RGS6: variants seen among roughly 807,000 people sequenced by gnomAD.
The protein encoded by RGS6 is regulator of G protein signaling 6.
A neutral mutation model predicts 78.5 loss-of-function variants in RGS6; 30 were observed. The ratio of observed to expected loss-of-function variants is 0.38; its 90% CI spans 0.29 to 0.52. The LOEUF (loss-of-function observed/expected upper bound fraction) is 0.52. Ranked by LOEUF, RGS6 falls within the 20% of genes least tolerant of loss-of-function variation. The pLI, the probability that RGS6 is intolerant of heterozygous loss-of-function variation, is 0.85. For synonymous variants in RGS6, 206 were observed against 206.0 expected, an observed-to-expected ratio of 1.00 and a Z score of 0.00; for missense variants, 495 against 609.7, an observed-to-expected ratio of 0.81 and a Z score of 1.98.
the RGS6 span, among the ~76,000 whole-genome samples, chr14:72,625,877 G>A: frequency 1.3e-5 from 2 of 151,994 alleles, no homozygotes; most frequent in Non-Finnish European, 2.9e-5. Flanking sequence ...ACTCTCATTA[G>A]TCACAATACA....
intron 3 of RGS6, among the ~76,000 whole-genome samples, chr14:72,446,028 G>A (rs2095354972): frequency 6.6e-6 from 1 of 152,156 alleles, no homozygotes; most frequent in Admixed American, 6.5e-5. Flanking sequence ...GGAGGCCAAG[G>A]CAGGAGGATC....
At chr14:72,462,406 T>G (rs1475746905) in intron 6 of RGS6, among the ~76,000 whole-genome samples, 2 of 152,156 alleles carry the variant, frequency 1.3e-5, no homozygotes, top group South Asian at 2.1e-4. Context: ...TCCCCAACAA[T>G]GAACACACTT....
intron 3 of RGS6, among the ~76,000 whole-genome samples, chr14:72,390,200 C>T (rs1054196145): frequency 1.3e-5 from 2 of 150,138 alleles, no homozygotes; most frequent in African/African-American, 2.5e-5. Context: ...CGGGTTGAAG[C>T]GATTTTCCTG....
chr14:72,377,825 A>C (rs114925934), intron 3 of RGS6, among the ~76,000 whole-genome samples: 137 of 152,206 alleles, frequency 9.0e-4, no homozygotes, highest in African/African-American at 3.3e-3. Flanking sequence ...AAAAGATTAA[A>C]AAATTAACCA....
In RGS6 at chr14:72,536,235, G is replaced by A. The variant is rs1208071075; in HGVS notation, c.1328G>A (p.Arg443Gln). 14 of 1,613,768 alleles carry A rather than the reference G, an allele frequency of 8.7e-6. No homozygotes were observed. The highest frequency in any genetic ancestry group is 3.3e-5 in the South Asian group (3 of 91,062). Residue 443 changes from arginine to glutamine, a missense_variant, in exon 16 of 18, where the codon CGG becomes CAG. Coordinates refer to ENST00000553525, the MANE Select transcript of RGS6 (RefSeq NM_001204424.2). ...MKSDSYARFL[R>Q]SNAYQDLLLA... ...AGTGACAGCTATGCCCGCTTCCTCC[G>A]GTCAAATGCTTACCAGGATTTGCTG... is the stretch of plus-strand genomic sequence containing the variant.
At chr14:72,611,670 C>T in the RGS6 span, among the ~76,000 whole-genome samples, 1 of 152,204 alleles carries the variant, frequency 6.6e-6, no homozygotes, top group African/African-American at 2.4e-5. Flanking sequence ...CAACACACTC[C>T]AGGCCAGGTG....
intron 2 of RGS6, among the ~76,000 whole-genome samples, chr14:71,985,721 G>T (rs2094682018): frequency 6.6e-6 from 1 of 152,124 alleles, no homozygotes; most frequent in African/African-American, 2.4e-5. Context: ...CCCCATCCTA[G>T]TGTCTGCTTG....
intron 2 of RGS6, among the ~76,000 whole-genome samples, chr14:72,209,144 G>T (rs1349929540): frequency 6.6e-6 from 1 of 152,264 alleles, no homozygotes; most frequent in East Asian, 1.9e-4. Context: ...GGGAGGCTGA[G>T]GTGGGAGGAT....
intron 3 of RGS6, among the ~76,000 whole-genome samples, chr14:72,362,750 G>A (rs770550390): frequency 1.3e-5 from 2 of 152,310 alleles, no homozygotes; most frequent in African/African-American, 2.4e-5. Context: ...AAATTACAAG[G>A]CAAAGTCTGG....
At chr14:72,186,490 A>G (rs1461038686) in intron 2 of RGS6, among the ~76,000 whole-genome samples, 2 of 152,010 alleles carry the variant, frequency 1.3e-5, no homozygotes, top group South Asian at 2.1e-4. Context: ...CTAAGCATCT[A>G]CTTCCTTTAT....
intron 2 of RGS6, among the ~76,000 whole-genome samples, chr14:72,121,688 T>A (rs2096056718): frequency 6.6e-6 from 1 of 152,154 alleles, no homozygotes; most frequent in Non-Finnish European, 1.5e-5. Flanking sequence ...ATCTTGCTCA[T>A]TTAACCTCTT....
At chr14:72,496,089 A>C (rs2096641067) in intron 13 of RGS6, among the ~76,000 whole-genome samples, 1 of 152,216 alleles carries the variant, frequency 6.6e-6, no homozygotes, top group African/African-American at 2.4e-5. Context: ...AAAATCTTAT[A>C]AAAATAATAA....
At chr14:72,097,035 G>A (rs2095423115) in intron 2 of RGS6, among the ~76,000 whole-genome samples, 1 of 152,208 alleles carries the variant, frequency 6.6e-6, no homozygotes, top group South Asian at 2.1e-4. Context: ...TGCCATTCTA[G>A]TACCCTCGAG....
intron 2 of RGS6, among the ~76,000 whole-genome samples, chr14:72,083,735 T>C (rs1300573224): frequency 6.6e-6 from 1 of 152,244 alleles, no homozygotes; most frequent in Non-Finnish European, 1.5e-5. Context: ...CTGCTAAAGA[T>C]AATTCTAATG....
chr14:72,186,054 T>C (rs2097240695), intron 2 of RGS6, among the ~76,000 whole-genome samples: 3 of 152,252 alleles, frequency 2.0e-5, no homozygotes. Flanking sequence ...GAACTGAGTA[T>C]CTAATAGGTG....
the RGS6 span, among the ~76,000 whole-genome samples, chr14:72,574,773 C>G: frequency 6.6e-6 from 1 of 152,180 alleles, no homozygotes; most frequent in African/African-American, 2.4e-5. Context: ...AAGCCCCCAC[C>G]TGCTGAGGGT....
intron 15 of RGS6, among the ~76,000 whole-genome samples, chr14:72,519,291 A>G (rs559606399): frequency 1.9e-3 from 294 of 152,294 alleles, no homozygotes; most frequent in African/African-American, 6.7e-3. Context: ...AAAAATAAGC[A>G]TTGGGTTGGT....
At chr14:72,013,489 AT>A (rs11301539) in intron 2 of RGS6, among the ~76,000 whole-genome samples, 5,692 of 152,224 alleles carry the variant, frequency 0.037, 338 homozygotes, top group African/African-American at 0.13. Context: ...CAGTAGGCAG[AT>A]TCATATATTG....
intron 2 of RGS6, among the ~76,000 whole-genome samples, chr14:72,066,553 T>G (rs2094156745): frequency 6.7e-6 from 1 of 149,834 alleles, no homozygotes; most frequent in African/African-American, 2.4e-5. Flanking sequence ...CTTTCTCTTT[T>G]CAAAGAGTGG....
Sources: allele counts gnomAD v4.1 joint callset (sites outside exome capture counted in the v4.1 genomes callset), GRCh38; gene constraint gnomAD v4.1.1; transcripts MANE v1.5; gene names NCBI Gene and HGNC (gene_info 2026-07-23, HGNC 2026-07-21).